The following THSD1 variants were observed in gnomAD, a reference collection of about 807,000 sequenced individuals.
The protein encoded by THSD1 is thrombospondin type-1 domain-containing protein 1.
Under a neutral mutation model 46.3 loss-of-function variants are expected in THSD1, and 34 were observed. The ratio of observed to expected loss-of-function variants is 0.74; its 90% CI spans 0.56 to 0.98. The LOEUF (loss-of-function observed/expected upper bound fraction) is 0.98. Among genes scored for constraint, THSD1 ranks in the 50% least tolerant of loss-of-function variants. The pLI is 0.00. For missense variants in THSD1, 1,023 were observed against 1,058.3 expected, an observed-to-expected ratio of 0.97 and a Z score of 0.46; for synonymous variants, 407 against 416.5, an observed-to-expected ratio of 0.98 and a Z score of 0.28.
chr13:52,382,468 G>A (rs550627860), intron 4 of THSD1, among the ~76,000 whole-genome samples: 23 of 152,148 alleles, frequency 1.5e-4, no homozygotes, highest in African/African-American at 5.3e-4. Flanking sequence ...GAGATACCAC[G>A]AAAACACAGG....
chr13:52,392,055 G>A (rs9741870), intron 3 of THSD1, among the ~76,000 whole-genome samples: 10,797 of 151,656 alleles, frequency 0.071, 512 homozygotes, highest in African/African-American at 0.13. Context: ...AGCCGGGCGT[G>A]GTGGCGGGCG....
At chr13:52,405,060 C>A (rs1285043452) in intron 1 of THSD1, among the ~76,000 whole-genome samples, 1 of 152,198 alleles carries the variant, frequency 6.6e-6, no homozygotes, top group South Asian at 2.1e-4. Flanking sequence ...TGACTTCTTA[C>A]AATGTTTGCA....
At chr13:52,388,978 T>TTTA (rs202098423) in intron 3 of THSD1, among the ~76,000 whole-genome samples, 1,574 of 151,908 alleles carry the variant, frequency 0.01, 26 homozygotes, top group African/African-American at 0.036. Flanking sequence ...TTTTTTTTTT[T>TTTA]TGAGACAGAT....
At chr13:52,381,392 T>G (rs888064181) in intron 4 of THSD1, among the ~76,000 whole-genome samples, 6 of 152,098 alleles carry the variant, frequency 3.9e-5, no homozygotes, top group African/African-American at 1.4e-4. Flanking sequence ...GCACCCAACC[T>G]CAGCTGCCCA....
At chr13:52,392,360 T>A (rs1028737998) in intron 3 of THSD1, among the ~76,000 whole-genome samples, 1 of 152,110 alleles carries the variant, frequency 6.6e-6, no homozygotes, top group African/African-American at 2.4e-5. Context: ...AGGCAAATAT[T>A]TGTAAATGTC....
intron 3 of THSD1, among the ~76,000 whole-genome samples, chr13:52,393,840 C>T (rs1957790747): frequency 6.6e-6 from 1 of 152,158 alleles, no homozygotes; most frequent in Non-Finnish European, 1.5e-5. Context: ...CCAGTTCAGT[C>T]ATAAATTTTA....
At chr13:52,393,230 A>C (rs1041570021) in intron 3 of THSD1, among the ~76,000 whole-genome samples, 6 of 152,222 alleles carry the variant, frequency 3.9e-5, no homozygotes, top group Non-Finnish European at 8.8e-5. Flanking sequence ...TGAACTCATA[A>C]ACTTGTTATG....
At chr13:52,391,631 C>T (rs911685224) in intron 3 of THSD1, among the ~76,000 whole-genome samples, 1 of 151,982 alleles carries the variant, frequency 6.6e-6, no homozygotes, top group African/African-American at 2.4e-5. Context: ...GCAACCTCTG[C>T]TTCCCAGGTT....
At chr13:52,387,555 T>C (rs189599614) in intron 3 of THSD1, among the ~76,000 whole-genome samples, 2 of 152,108 alleles carry the variant, frequency 1.3e-5, no homozygotes, top group South Asian at 2.1e-4. Flanking sequence ...ATAGCTACGA[T>C]AAATATGCCA....
intron 3 of THSD1, among the ~76,000 whole-genome samples, chr13:52,396,588 A>G (rs1164562474): frequency 6.6e-6 from 1 of 152,192 alleles, no homozygotes; most frequent in Non-Finnish European, 1.5e-5. Context: ...AAATTAAACT[A>G]CTTAATAAGA....
chr13:52,401,063 C>T (rs1957855288), intron 2 of THSD1, among the ~76,000 whole-genome samples: 1 of 152,100 alleles, frequency 6.6e-6, no homozygotes, highest in Admixed American at 6.5e-5. Flanking sequence ...CAACCTCCGC[C>T]TCCCGGGTTC....
intron 4 of THSD1, among the ~76,000 whole-genome samples, chr13:52,380,706 C>T (rs1484278888): frequency 6.6e-6 from 1 of 152,050 alleles, no homozygotes; most frequent in Non-Finnish European, 1.5e-5. Context: ...ACTTGGCCTC[C>T]CAAAGTGCTG....
intron 1 of THSD1, among the ~76,000 whole-genome samples, chr13:52,403,825 T>C (rs1044692918): frequency 1.3e-5 from 2 of 151,920 alleles, no homozygotes; most frequent in Non-Finnish European, 2.9e-5. Context: ...TAGAATAAGA[T>C]ACTGGGCATT....
chr13:52,394,831 T>C (rs1341000731), intron 3 of THSD1, among the ~76,000 whole-genome samples: 1 of 152,116 alleles, frequency 6.6e-6, no homozygotes, highest in East Asian at 1.9e-4. Flanking sequence ...CCAAATGAGC[T>C]TCCCCCATCT....
At chr13:52,384,150 C>T (rs1015762054) in intron 4 of THSD1, 1 of 339,632 alleles carries the variant, frequency 2.9e-6, no homozygotes, top group African/African-American at 2.3e-5. Flanking sequence ...CACCATTGCA[C>T]TCCAGCCTGG....
At position 52,386,022 on chromosome 13, in the gene THSD1, A is replaced by G. The variant is rs1957727676; in HGVS notation, c.1180+6T>C. 2 of 1,612,906 alleles carry G rather than the reference A, an allele frequency of 1.2e-6. No homozygotes were observed. Among genetic ancestry groups the G allele is most frequent in the Non-Finnish European group, 1.7e-6 (2 of 1,179,544 alleles). ...AGAGACTCCCGAAGGAAGCAAGAATACCTACCAGCACACTCCTCCAGGGAA... is the reference window on the plus strand; with the variant it reads ...AGAGACTCCCGAAGGAAGCAAGAATGCCTACCAGCACACTCCTCCAGGGAA... On this transcript the variant is annotated splice_donor_region_variant and intron_variant, in intron 4 of 4. Transcript: ENST00000258613.
chr13:52,378,037 C>T lies in THSD1; in HGVS notation c.1933G>A (p.Ala645Thr), dbSNP rs763373529. ...SRGGPSERSH[A>T]RNAHFRRTAS... ...GTCCTCCTGAAATGGGCGTTCCTGG[C>T]ATGGCTCCTTTCGGACGGGCCCCCT... is the stretch of plus-strand genomic sequence containing the variant. Residue 645 changes from alanine (A) to threonine (T), a missense_variant, in exon 5 of 5, where the codon GCC becomes ACC. By Grantham distance (58) the Ala-to-Thr change is moderately conservative. Transcript: ENST00000258613. The T allele has an allele frequency of 3.1e-6, 5 of 1,614,188 alleles. No individual in the cohort carries two copies. In the South Asian group the frequency reaches 4.4e-5, roughly 14 times the overall value.
chr13:52,403,741 G>A (rs962067666), intron 1 of THSD1, among the ~76,000 whole-genome samples: 4 of 152,128 alleles, frequency 2.6e-5, no homozygotes, highest in Non-Finnish European at 5.9e-5. Context: ...GCCTCCCAAA[G>A]TGCTGGGATT....
At chr13:52,389,070 C>T (rs1352864858) in intron 3 of THSD1, among the ~76,000 whole-genome samples, 2 of 152,010 alleles carry the variant, frequency 1.3e-5, no homozygotes, top group African/African-American at 4.8e-5. Context: ...AAGCGATTCT[C>T]ATGCCTCAGC....
Sources: gnomAD v4.1 joint callset for allele counts (sites outside exome capture counted in the v4.1 genomes callset) on GRCh38, gnomAD v4.1.1 for gene constraint, MANE v1.5 for transcripts, NCBI Gene and HGNC (gene_info 2026-07-23, HGNC 2026-07-21) for gene names.